TOPBP1: variants seen among roughly 807,000 people sequenced by gnomAD.
TOPBP1 encodes DNA topoisomerase II binding protein 1.
TOPBP1 carries 28 observed loss-of-function variants against 167.7 expected under a neutral mutation model. The ratio of observed to expected loss-of-function variants is 0.17; its 90% CI spans 0.12 to 0.23. TOPBP1 has a LOEUF of 0.23. Ranked by LOEUF, TOPBP1 falls within the 10% of genes least tolerant of loss-of-function variation. The pLI, the probability that TOPBP1 is intolerant of heterozygous loss-of-function variation, is 1.00. For missense variants in TOPBP1, 1,554 were observed against 1,809.6 expected (o/e 0.86, Z 2.56); for synonymous variants, 598 against 611.4 (o/e 0.98, Z 0.32).
intron 10 of TOPBP1, 59 bp downstream of exon 10, chr3:133,649,324 C>A (rs1177572382): frequency 3.9e-6 from 6 of 1,546,050 alleles, no homozygotes; most frequent in Middle Eastern, 1.7e-4. Context: ...CACATATGTA[C>A]GTATTAGGCT....
intron 10 of TOPBP1, among the ~76,000 whole-genome samples, chr3:133,648,781 A>G (rs1450274028): frequency 1.3e-5 from 2 of 152,132 alleles, no homozygotes; most frequent in Non-Finnish European, 2.9e-5. Context: ...CTGCGCAACA[A>G]GAGCGAAATC....
chr3:133,642,930 A>G (rs1935944384), intron 12 of TOPBP1, among the ~76,000 whole-genome samples: 1 of 152,162 alleles, frequency 6.6e-6, no homozygotes, highest in African/African-American at 2.4e-5. Flanking sequence ...TGGTGTCATT[A>G]TGAAGTCACA....
intron 16 of TOPBP1, among the ~76,000 whole-genome samples, chr3:133,626,422 T>C (rs1488898669): frequency 6.6e-6 from 1 of 152,212 alleles, no homozygotes; most frequent in Non-Finnish European, 1.5e-5. Context: ...GTCATACATA[T>C]AATTATGTCA....
intron 16 of TOPBP1, among the ~76,000 whole-genome samples, chr3:133,625,313 G>C (rs1269198395): frequency 6.6e-6 from 1 of 152,080 alleles, no homozygotes; most frequent in Non-Finnish European, 1.5e-5. Context: ...AAAACCAAAG[G>C]GTAGGTAAAA....
In TOPBP1 at chr3:133,629,852, TCTCGGCTCA is replaced by T. The variant is rs1195241145; in HGVS notation, c.2521-1128_2521-1120del. On this transcript the variant is annotated intron_variant, in intron 14 of 27. Coordinates refer to ENST00000260810, the MANE Select transcript of TOPBP1 (RefSeq NM_007027.4). Reference sequence around the variant, plus strand: ...CCCAGGCTGGAGTACAATGGCGCGATCTCGGCTCACTGCAACCTCTGCCTCCTGGGTTCA... The same window carrying T: ...CCCAGGCTGGAGTACAATGGCGCGATCTGCAACCTCTGCCTCCTGGGTTCA... Among the ~76,000 whole-genome samples, 6 of 152,284 alleles carry T rather than the reference TCTCGGCTCA, an allele frequency of 3.9e-5. No homozygotes were observed. The East Asian group carries it at 1.2e-3, about 29-fold the overall frequency.
At chr3:133,640,537 A>C (rs1935861405) in intron 12 of TOPBP1, among the ~76,000 whole-genome samples, 1 of 152,050 alleles carries the variant, frequency 6.6e-6, no homozygotes. Flanking sequence ...CAGCCTCCCC[A>C]GTACCTAAGA....
chr3:133,615,313 T>C (rs746910100), intron 23 of TOPBP1, among the ~76,000 whole-genome samples: 23 of 151,944 alleles, frequency 1.5e-4, no homozygotes, highest in Non-Finnish European at 3.4e-4. Context: ...TTACTAAAAA[T>C]ACAAAAATAC....
intron 19 of TOPBP1, among the ~76,000 whole-genome samples, chr3:133,622,565 A>G (rs1935128855): frequency 6.6e-6 from 1 of 151,998 alleles, no homozygotes; most frequent in Non-Finnish European, 1.5e-5. Context: ...GCAGCTCTAG[A>G]AGGATACATA....
Position 133,637,963 on chromosome 3 carries a change from T to C in TOPBP1, c.2433A>G (p.Pro811=), listed in dbSNP as rs775745795. 1.8e-5 allele frequency: 29 copies of C among 1,613,830 alleles called. No homozygotes were observed. In the Admixed American group the frequency reaches 4.5e-4, roughly 25 times the overall value. The change falls in exon 14 of 28, where the codon CCA becomes CCG. Residue 811 remains proline, a synonymous_variant. Transcript: ENST00000260810. ...QVAASPAVGQ[P]LQKEPSLHLD... is the part of the protein sequence containing the mutation. ...GGTGTAACGAGGGCTCCTTCTGAAG[T>C]GGTTGTCCTACTGCTGGGGAGGCTG...
chr3:133,619,380 C>T (rs185552712), intron 20 of TOPBP1, among the ~76,000 whole-genome samples: 14 of 152,196 alleles, frequency 9.2e-5, no homozygotes, highest in Admixed American at 9.2e-4. Context: ...AAGATAAATG[C>T]TAGTTTATCT....
intron 16 of TOPBP1, among the ~76,000 whole-genome samples, chr3:133,625,346 C>G (rs1271373502): frequency 6.6e-6 from 1 of 152,206 alleles, no homozygotes; most frequent in Non-Finnish European, 1.5e-5. Flanking sequence ...AATACAATCA[C>G]CAAAATAAAC....
At chr3:133,623,238 A>G (rs760843641) in intron 18 of TOPBP1, 45 bp from the exon 19 acceptor site, 658 of 1,611,398 alleles carry the variant, frequency 4.1e-4, no homozygotes, top group Non-Finnish European at 5.4e-4. Flanking sequence ...AAGCCACTGT[A>G]TAAGGTTTCA....
chr3:133,626,846 T>C (rs72970185), intron 16 of TOPBP1, among the ~76,000 whole-genome samples: 8,674 of 152,276 alleles, frequency 0.057, 590 homozygotes, highest in African/African-American at 0.17. Context: ...AGGTAGGTTA[T>C]ATTTATATTC....
rs1222007107 is a variant in TOPBP1 at position 133,653,537 on chromosome 3, T to C, written c.743-13A>G. The C allele has an allele frequency of 6.6e-6, 10 of 1,520,794 alleles. No individual in the cohort carries two copies. Among genetic ancestry groups the C allele is most frequent in the Non-Finnish European group, 8.8e-6 (10 of 1,139,270 alleles). 94.2% of individuals were successfully genotyped at this position (1,520,794 alleles called of 1,614,324 possible). On this transcript the variant is annotated splice_polypyrimidine_tract_variant and intron_variant, in intron 6 of 27. Transcript: ENST00000260810. The stretch of plus-strand genomic sequence containing the variant: ...TCATACTTCTGACCTGTGGCGTTCA[T>C]TAAGAAAGAAATAGAGAAAATAGGA...
At position 133,644,267 on chromosome 3, in the gene TOPBP1, T is replaced by C. The variant is rs2107815843; in HGVS notation, c.1601A>G (p.Gln534Arg). ...AGGGACACAATGACTGACAGAAGACTGGTTTTCTTCTTGCAAAGAAATGTG... is the reference window on the plus strand; with the variant it reads ...AGGGACACAATGACTGACAGAAGACCGGTTTTCTTCTTGCAAAGAAATGTG... ...STHISLQEEN[Q>R]SSVSHCVPDV... The change falls in exon 11 of 28, where the codon CAG (glutamine) becomes CGG (arginine). Residue 534 changes from glutamine (Q) to arginine (R), a missense_variant. Coordinates refer to ENST00000260810, the MANE Select transcript of TOPBP1 (RefSeq NM_007027.4). The C allele has an allele frequency of 6.2e-7, 1 of 1,613,816 alleles. No individual in the cohort carries two copies. The highest frequency in any genetic ancestry group is 8.5e-7 in the Non-Finnish European group (1 of 1,179,812).
chr3:133,640,071 A>T lies in TOPBP1; in HGVS notation c.2121T>A (p.Ala707=). The change falls in exon 13 of 28, where the codon GCT becomes GCA. Residue 707 remains alanine (A), a synonymous_variant. Transcript: ENST00000260810. ...LKERGGSKYE[A]AKKWNLPAVT... Reference sequence around the variant, plus strand: ...CGGCAGGTAAATTCCACTTCTTTGCAGCTTCATATTTAGAGCCACCACGTT... The same window carrying T: ...CGGCAGGTAAATTCCACTTCTTTGCTGCTTCATATTTAGAGCCACCACGTT... 6.2e-7 allele frequency: 1 copy of T among 1,613,888 alleles called. No homozygotes were observed. Among genetic ancestry groups the T allele is most frequent in the Non-Finnish European group, 8.5e-7 (1 of 1,179,846 alleles).
intron 25 of TOPBP1, among the ~76,000 whole-genome samples, chr3:133,609,274 A>G (rs1040101524): frequency 6.6e-5 from 10 of 152,338 alleles, no homozygotes; most frequent in Admixed American, 2.6e-4. Context: ...AAGAGCTTCA[A>G]GCAGAGCTCC....
Position 133,625,551 on chromosome 3 carries a change from G to A in TOPBP1, c.2805-1376C>T, listed in dbSNP as rs147973189. On this transcript the variant is annotated intron_variant, in intron 16 of 27. Transcript: ENST00000260810. ...AGTTTCAGACCAGTCGACCAACATG[G>A]AGAAACCACATCTCTTCTAAAAATA... is the stretch of plus-strand genomic sequence containing the variant. 7.6e-4 allele frequency among the ~76,000 whole-genome samples: 116 copies of A among 152,142 alleles called. 2 individuals carry two copies. The East Asian group carries it at 0.02, about 27-fold the overall frequency.
At chr3:133,656,958 T>C in intron 4 of TOPBP1, 101 bp from the exon 5 acceptor site, 3 of 1,064,510 alleles carry the variant, frequency 2.8e-6, no homozygotes, top group Non-Finnish European at 3.8e-6. Context: ...ACAGTTTGAA[T>C]ACATAAGTGT....
Sources: gnomAD v4.1 joint callset for allele counts (sites outside exome capture counted in the v4.1 genomes callset) on GRCh38, gnomAD v4.1.1 for gene constraint, MANE v1.5 for transcripts, NCBI Gene and HGNC (gene_info 2026-07-23, HGNC 2026-07-21) for gene names.